The following TIE1 variants were observed in gnomAD, a reference collection of about 807,000 sequenced individuals.
TIE1 encodes tyrosine kinase with immunoglobulin like and EGF like domains 1.
Under a neutral mutation model 130.5 loss-of-function variants are expected in TIE1, and 89 were observed. That is an observed-to-expected ratio of 0.68 (90% CI 0.57 to 0.81). The LOEUF (loss-of-function observed/expected upper bound fraction) is 0.81. Ranked by LOEUF, TIE1 falls within the 40% of genes least tolerant of loss-of-function variation. The pLI is 0.00. For missense variants in TIE1, 1,392 were observed against 1,559.8 expected (o/e 0.89, Z 1.81); for synonymous variants, 568 against 629.4 (o/e 0.90, Z 1.46).
Position 43,317,936 on chromosome 1 carries a change from TGCGGAAAA to T in TIE1, c.2789_2796del (p.Arg930ProfsTer6), listed in dbSNP as rs777343023. 6 of 1,614,064 alleles carry T rather than the reference TGCGGAAAA, an allele frequency of 3.7e-6. No individual in the cohort carries two copies. The highest frequency in any genetic ancestry group is 2.5e-6 in the Non-Finnish European group (3 of 1,180,024). ...CCCTACGGGAACCTGCTAGATTTTC[TGCGGAAAA>T]GCCGGGTCCTAGAGACTGACCCAGC... On this transcript the variant is annotated frameshift_variant, in exon 17 of 23. Transcript: ENST00000372476. LOFTEE classifies it high-confidence loss of function. This position sits in a 1 kb window ranked among gnomAD's most constrained non-coding sequence, Gnocchi z 5.1.
At chr1:43,304,578 G>A (rs935069093) in intron 1 of TIE1, among the ~76,000 whole-genome samples, 1 of 152,186 alleles carries the variant, frequency 6.6e-6, no homozygotes, top group Non-Finnish European at 1.5e-5. Flanking sequence ...GCCAGAGAAG[G>A]ATTCGTGGTT....
At position 43,318,213 on chromosome 1, in the gene TIE1, G is replaced by A. The variant is rs1483280196; in HGVS notation, c.2922+141G>A. On this transcript the variant is annotated intron_variant, in intron 17 of 22. Coordinates refer to ENST00000372476, the MANE Select transcript of TIE1 (RefSeq NM_005424.5). The surrounding 1 kb of genome is among the most constrained non-coding windows in gnomAD (Gnocchi z 4.4). ...TGTGGGTGGGTGCAAGCACAGCGAG[G>A]AGGCAGGGCCAAGGGGCAGGTCTGG... 9.1e-7 allele frequency: 1 copy of A among 1,102,910 alleles called. No homozygotes were observed. 68.3% of individuals were successfully genotyped at this position (1,102,910 alleles called of 1,614,324 possible). A position where few individuals can be genotyped will look rare whatever the true frequency, so the allele number is the denominator to read the frequency against.
rs777769931 is a variant in TIE1 at position 43,322,772 on chromosome 1, G to A, written c.*50G>A. On this transcript the variant is annotated 3_prime_UTR_variant, in exon 23 of 23. Transcript: ENST00000372476. This position sits in a 1 kb window ranked among gnomAD's most constrained non-coding sequence, Gnocchi z 4.0. ...TCTGCTGGCCGGAGCAAACTCTGCTGTCTAACCTGTGACCAGTCTGACCCT... is the reference window on the plus strand; with the variant it reads ...TCTGCTGGCCGGAGCAAACTCTGCTATCTAACCTGTGACCAGTCTGACCCT... 1.9e-6 allele frequency: 3 copies of A among 1,573,178 alleles called. No individual in the cohort carries two copies. Among genetic ancestry groups the A allele is most frequent in the South Asian group, 2.2e-5 (2 of 89,540 alleles).
rs1432969114 is a variant in TIE1, at chr1:43,309,102, C to G, written c.1159C>G (p.Leu387Val). The G allele has an allele frequency of 1.9e-6, 3 of 1,609,094 alleles. No homozygotes were observed. Among genetic ancestry groups the G allele is most frequent in the Admixed American group, 1.7e-5 (1 of 59,792 alleles). Residue 387 changes from leucine to valine, a missense_variant, in exon 8 of 23, where the codon CTA becomes GTA. Around this residue, in one of 6 missense-constraint regions of TIE1, gnomAD observed 551 missense variants for 565.5 expected, o/e 0.97. Transcript: ENST00000372476. The surrounding 1 kb of genome is among the most constrained non-coding windows in gnomAD (Gnocchi z 6.3). ...CTTCCCCGTGCGGGGCAGCATAGAG[C>G]TACGCAAGCCAGACGGCACTGTGCT... is the stretch of plus-strand genomic sequence containing the variant. ...NPFPVRGSIE[L>V]RKPDGTVLLS...
In TIE1 at chr1:43,307,593, T is replaced by C; in HGVS notation, c.913+21T>C. 3.1e-6 allele frequency: 5 copies of C among 1,613,890 alleles called. No individual in the cohort carries two copies. The highest frequency in any genetic ancestry group is 1.7e-4 in the Middle Eastern group (1 of 6,058). On this transcript the variant is annotated intron_variant, in intron 6 of 22. Coordinates refer to ENST00000372476, the MANE Select transcript of TIE1 (RefSeq NM_005424.5). The surrounding 1 kb of genome is among the most constrained non-coding windows in gnomAD (Gnocchi z 5.4). ...AGAAGGTATGCCTAACCTACCCTCA[T>C]GGTCCCTGACCAAGACAGCTGGCCA... is the stretch of plus-strand genomic sequence containing the variant.
At position 43,307,035 on chromosome 1, in the gene TIE1, G is replaced by C; in HGVS notation, c.640+40G>C. 6.2e-7 allele frequency: 1 copy of C among 1,613,284 alleles called. No homozygotes were observed. Among genetic ancestry groups the C allele is most frequent in the Non-Finnish European group, 8.5e-7 (1 of 1,179,830 alleles). ...GCAGAGGTTGTGGGTAGGGTGGGAG[G>C]CTGGGAGCCCTATGGGTACTTCCTG... On this transcript the variant is annotated intron_variant, in intron 4 of 22. Coordinates refer to ENST00000372476, the MANE Select transcript of TIE1 (RefSeq NM_005424.5). The surrounding 1 kb of genome is among the most constrained non-coding windows in gnomAD (Gnocchi z 5.4).
chr1:43,307,291 T>G lies in TIE1; in HGVS notation c.772+18T>G. On this transcript the variant is annotated intron_variant, in intron 5 of 22. Transcript: ENST00000372476. This position sits in a 1 kb window ranked among gnomAD's most constrained non-coding sequence, Gnocchi z 5.4. ...TGAACAGGGTAAGGAGGAGGGGAGC[T>G]AGGACCCAGGCAGGAGAGGATCCCT... The G allele has an allele frequency of 1.2e-6, 2 of 1,613,882 alleles. No homozygotes were observed. Among genetic ancestry groups the G allele is most frequent in the Non-Finnish European group, 1.7e-6 (2 of 1,179,940 alleles).
At chr1:43,304,701 G>A (rs1415451535) in intron 1 of TIE1, 150 bp from the exon 2 acceptor site, 3 of 800,328 alleles carry the variant, frequency 3.7e-6, no homozygotes, top group Non-Finnish European at 5.2e-6. Flanking sequence ...GGGGTCTGAA[G>A]AACCGGGCAG....
chr1:43,308,024 G>A (rs1646748673), intron 7 of TIE1, 100 bp downstream of exon 7: 4 of 1,523,844 alleles, frequency 2.6e-6, no homozygotes, highest in Non-Finnish European at 2.7e-6. Context: ...TCCCTACGAG[G>A]GTCCAAGTCC....
At position 43,313,845 on chromosome 1, in the gene TIE1, C is replaced by A. The variant is rs749981998; in HGVS notation, c.2286C>A (p.Ile762=). ...AAEEGLDQQL[I]LAVVGSVSAT... ...AAGAGGGCCTGGATCAGCAGCTGAT[C>A]CTGGCGGTGGTGGGCTCCGTGTCTG... The change falls in exon 14 of 23, where the codon ATC becomes ATA. Residue 762 remains isoleucine (I), a synonymous_variant. Coordinates refer to ENST00000372476, the MANE Select transcript of TIE1 (RefSeq NM_005424.5). This position sits in a 1 kb window ranked among gnomAD's most constrained non-coding sequence, Gnocchi z 6.2. 6 of 1,614,112 alleles carry A rather than the reference C, an allele frequency of 3.7e-6. 1 individual carries two copies. In the South Asian group the frequency reaches 6.6e-5, roughly 18 times the overall value.
In TIE1 at chr1:43,311,769, T is replaced by G; in HGVS notation, c.1432T>G (p.Ser478Ala). 6.2e-7 allele frequency: 1 copy of G among 1,614,068 alleles called. No homozygotes were observed. The highest frequency in any genetic ancestry group is 8.5e-7 in the Non-Finnish European group (1 of 1,179,980). The stretch of plus-strand genomic sequence containing the variant: ...CTCGTTCTCTGGGGATGGACCCATC[T>G]CCACTGTCCGCCTGCACTACCGGCC... ...LVSFSGDGPISTVRLHYRPQD... is the reference protein window; with the variant it reads ...LVSFSGDGPIATVRLHYRPQD... Residue 478 changes from serine (S) to alanine (A), a missense_variant, in exon 10 of 23, where the codon TCC becomes GCC. Ser to Ala is a moderately conservative substitution (Grantham distance 99, BLOSUM62 1). Transcript: ENST00000372476.
chr1:43,320,694 T>C (rs1192016968), intron 19 of TIE1: 1 of 151,752 alleles, frequency 6.6e-6, no homozygotes, highest in Non-Finnish European at 1.5e-5. Context: ...CTACTAAAAA[T>C]ACAAAAAGAA....
Position 43,317,735 on chromosome 1 carries a change from C to T in TIE1, c.2731+61C>T. The T allele has an allele frequency of 1.3e-6, 2 of 1,493,830 alleles. No homozygotes were observed. The highest frequency in any genetic ancestry group is 1.8e-6 in the Non-Finnish European group (2 of 1,092,346). 92.5% of individuals were successfully genotyped at this position (1,493,830 alleles called of 1,614,324 possible). ...AACCCCCATCCTCAGCCATCACCTC[C>T]ACCACATGAGTAGCTTGCCAGGGGC... On this transcript the variant is annotated intron_variant, in intron 16 of 22. Coordinates refer to ENST00000372476, the MANE Select transcript of TIE1 (RefSeq NM_005424.5). The surrounding 1 kb of genome is among the most constrained non-coding windows in gnomAD (Gnocchi z 5.1).
Position 43,312,310 on chromosome 1 carries a change from T to A in TIE1, c.1636T>A (p.Leu546Met), listed in dbSNP as rs777475739. The change falls in exon 12 of 23, where the codon TTG becomes ATG. Residue 546 changes from leucine (L) to methionine (M), a missense_variant. By Grantham distance (15) the Leu-to-Met change is conservative. Around this residue, in one of 6 missense-constraint regions of TIE1, gnomAD observed 551 missense variants for 565.5 expected, o/e 0.97. Coordinates refer to ENST00000372476, the MANE Select transcript of TIE1 (RefSeq NM_005424.5). The surrounding 1 kb of genome is among the most constrained non-coding windows in gnomAD (Gnocchi z 5.6). ...CCCCTGACCTCTGGCCCCAGAGCCTTTGTTGCAGCCGTGGTTGGAGGGCTG... is the reference window on the plus strand; with the variant it reads ...CCCCTGACCTCTGGCCCCAGAGCCTATGTTGCAGCCGTGGTTGGAGGGCTG... Reference protein sequence around the residue: ...TLMTTDCPEPLLQPWLEGWHV... With the variant: ...TLMTTDCPEPMLQPWLEGWHV... 1.3e-5 allele frequency: 20 copies of A among 1,547,890 alleles called. No individual in the cohort carries two copies. The Admixed American group carries it at 3.7e-4, about 29-fold the overall frequency.
In TIE1 at chr1:43,307,294, G is replaced by A. The variant is rs62620013; in HGVS notation, c.772+21G>A. ...ACAGGGTAAGGAGGAGGGGAGCTAG[G>A]ACCCAGGCAGGAGAGGATCCCTGAC... is the stretch of plus-strand genomic sequence containing the variant. On this transcript the variant is annotated intron_variant, in intron 5 of 22. Coordinates refer to ENST00000372476, the MANE Select transcript of TIE1 (RefSeq NM_005424.5). The surrounding 1 kb of genome is among the most constrained non-coding windows in gnomAD (Gnocchi z 5.4). The A allele has an allele frequency of 1.5e-4, 245 of 1,613,800 alleles. No homozygotes were observed. Among genetic ancestry groups the A allele is most frequent in the Non-Finnish European group, 1.7e-4 (202 of 1,179,984 alleles).
intron 19 of TIE1, chr1:43,320,266 T>C (rs1276631953): frequency 1.3e-5 from 2 of 152,750 alleles, no homozygotes; most frequent in African/African-American, 4.8e-5. Flanking sequence ...ACTAGCTGTA[T>C]GGCCTTGGGC....
Position 43,312,013 on chromosome 1 carries a change from G to T in TIE1, c.1512G>T (p.Val504=). The T allele has an allele frequency of 6.3e-7, 1 of 1,598,272 alleles. No homozygotes were observed. Among genetic ancestry groups the T allele is most frequent in the Non-Finnish European group, 8.5e-7 (1 of 1,169,826 alleles). ...STIVVDPSEN[V]TLMNLRPKTG... ...GCCCAGTGGACCCCAGTGAGAACGT[G>T]ACGTTAATGAACCTGAGGCCAAAGA... Residue 504 remains valine, a synonymous_variant, in exon 11 of 23, where the codon GTG becomes GTT. Transcript: ENST00000372476. This position sits in a 1 kb window ranked among gnomAD's most constrained non-coding sequence, Gnocchi z 5.6.
Position 43,309,047 on chromosome 1 carries a change from C to G in TIE1, c.1104C>G (p.Pro368=), listed in dbSNP as rs755123769. 2 of 1,613,928 alleles carry G rather than the reference C, an allele frequency of 1.2e-6. No homozygotes were observed. Residue 368 remains proline, a synonymous_variant, in exon 8 of 23, where the codon CCC becomes CCG. Coordinates refer to ENST00000372476, the MANE Select transcript of TIE1 (RefSeq NM_005424.5). This position sits in a 1 kb window ranked among gnomAD's most constrained non-coding sequence, Gnocchi z 6.3. ...SELEFNLETM[P]RINCAAAGNP... ...TGGAGTTCAACTTAGAGACGATGCC[C>G]CGGATCAACTGTGCAGCTGCAGGGA...
At chr1:43,308,902 GA>G in intron 7 of TIE1, 83 bp from the exon 8 acceptor site, 1 of 1,595,314 alleles carries the variant, frequency 6.3e-7, no homozygotes, top group Non-Finnish European at 8.6e-7. Flanking sequence ...CCTCCACTGA[GA>G]AACAGAACAC....
Sources: gnomAD v4.1 joint callset for allele counts (sites outside exome capture counted in the v4.1 genomes callset) on GRCh38, gnomAD v4.1.1 for gene constraint, gnomAD v4.1.1 regional missense constraint, Gnocchi (gnomAD v3.1) non-coding constraint, MANE v1.5 for transcripts, NCBI Gene and HGNC (gene_info 2026-07-23, HGNC 2026-07-21) for gene names.